The following ASTN1 variants were observed in gnomAD, a reference collection of about 807,000 sequenced individuals.
The protein encoded by ASTN1 is astrotactin 1.
Under a neutral mutation model 140.7 loss-of-function variants are expected in ASTN1, and 41 were observed. The ratio of observed to expected loss-of-function variants is 0.29; its 90% CI spans 0.23 to 0.38. The LOEUF is 0.38. ASTN1 is among the 10% of genes least tolerant of loss of function. The pLI is 1.00. For synonymous variants in ASTN1, 640 were observed against 652.2 expected, an observed-to-expected ratio of 0.98 and a Z score of 0.29; for missense variants, 1,479 against 1,678.8, an observed-to-expected ratio of 0.88 and a Z score of 2.08.
At chr1:176,915,972 C>A (rs1189301156) in intron 16 of ASTN1, among the ~76,000 whole-genome samples, 3 of 152,134 alleles carry the variant, frequency 2.0e-5, no homozygotes, top group African/African-American at 7.2e-5. Context: ...TTTTACAAAC[C>A]CGAAACTTGC....
chr1:177,164,262 G>A (rs1647567986), intron 1 of ASTN1, 132 bp downstream of exon 1: 7 of 1,015,008 alleles, frequency 6.9e-6, no homozygotes, highest in Admixed American at 2.9e-5. Flanking sequence ...TGGTCCGGGA[G>A]TGGGGCGGAT....
intron 15 of ASTN1, chr1:176,935,964 T>G: frequency 2.3e-6 from 1 of 426,878 alleles, no homozygotes; most frequent in Non-Finnish European, 4.4e-6. Context: ...AAATCTGCTT[T>G]TATGTATCCT....
chr1:177,154,902 T>G (rs1186788846), intron 1 of ASTN1, among the ~76,000 whole-genome samples: 1 of 152,154 alleles, frequency 6.6e-6, no homozygotes, highest in Non-Finnish European at 1.5e-5. Flanking sequence ...CACAAAAATC[T>G]GCATACTAAT....
chr1:177,039,168 A>G (rs1676861829), intron 2 of ASTN1, among the ~76,000 whole-genome samples: 1 of 152,234 alleles, frequency 6.6e-6, no homozygotes. Context: ...TTCAAAGCTT[A>G]CTTTTACCTT....
At chr1:176,943,741 A>T in intron 14 of ASTN1, 150 bp downstream of exon 14, 2 of 998,014 alleles carry the variant, frequency 2.0e-6, no homozygotes, top group Non-Finnish European at 1.4e-6. Context: ...TAATCCTACT[A>T]GCATTCAGTT....
intron 22 of ASTN1, among the ~76,000 whole-genome samples, chr1:176,865,737 GA>G (rs1469265466): frequency 1.3e-5 from 2 of 152,156 alleles, no homozygotes; most frequent in Non-Finnish European, 2.9e-5. Context: ...ATGCTGCTGA[GA>G]AAGACATACC....
At chr1:177,000,013 AT>A in intron 8 of ASTN1, among the ~76,000 whole-genome samples, 1 of 152,348 alleles carries the variant, frequency 6.6e-6, no homozygotes, top group South Asian at 2.1e-4. Context: ...TGTTAATTAA[AT>A]TGGCAAATTA....
chr1:177,121,158 A>G (rs544507048), intron 1 of ASTN1, among the ~76,000 whole-genome samples: 8 of 152,220 alleles, frequency 5.3e-5, no homozygotes, highest in Admixed American at 5.2e-4. Context: ...TTTGGGTTTC[A>G]ATAGACTAAG....
rs1012201217 is a variant in ASTN1 at position 176,957,618 on chromosome 1, C to T, written c.1887+60G>A. On this transcript the variant is annotated intron_variant, in intron 11 of 22. Transcript: ENST00000361833. ...TCCCTATGTATCTGTATTGTGTCTTCCCCCGTGCCTTTCCTCCCCATCCTC... is the reference window on the plus strand; with the variant it reads ...TCCCTATGTATCTGTATTGTGTCTTTCCCCGTGCCTTTCCTCCCCATCCTC... 8 of 1,589,950 alleles carry T rather than the reference C, an allele frequency of 5.0e-6. No homozygotes were observed. In the African/African-American group the frequency reaches 9.4e-5, roughly 19 times the overall value.
At position 176,936,297 on chromosome 1, in the gene ASTN1, G is replaced by A. The variant is rs753433604; in HGVS notation, c.2451C>T (p.His817=). ...AGATGGCCACTTGGTTGAGTTTGAT[G>A]TGGTACATCACAGACCGGACCTTCC... ...QHWKVRSVMY[H]IKLNQVAISQ... is the part of the protein sequence containing the mutation. Residue 817 remains histidine, a synonymous_variant, in exon 15 of 23, where the codon CAC becomes CAT. Transcript: ENST00000361833. The A allele has an allele frequency of 4.3e-6, 7 of 1,613,956 alleles. No individual in the cohort carries two copies. Among genetic ancestry groups the A allele is most frequent in the African/African-American group, 1.3e-5 (1 of 74,948 alleles).
chr1:176,936,463 T>A (rs1000336776), intron 14 of ASTN1, 93 bp from the exon 15 acceptor site: 3 of 925,140 alleles, frequency 3.2e-6, no homozygotes, highest in African/African-American at 1.7e-5. Flanking sequence ...CGAAGTGTTG[T>A]AATTGTGAGA....
At chr1:177,033,000 G>C in intron 2 of ASTN1, 151 bp from the exon 3 acceptor site, 1 of 1,044,918 alleles carries the variant, frequency 9.6e-7, no homozygotes, top group African/African-American at 1.6e-5. Context: ...TCATTCAGCA[G>C]CAAAGGGAAA....
intron 1 of ASTN1, among the ~76,000 whole-genome samples, chr1:177,065,228 G>A (rs1251411581): frequency 1.3e-5 from 2 of 152,080 alleles, no homozygotes; most frequent in Non-Finnish European, 2.9e-5. Context: ...TCACGCTGTG[G>A]GACTGAGACA....
chr1:177,032,888 G>A, intron 2 of ASTN1, 39 bp from the exon 3 acceptor site: 1 of 1,535,284 alleles, frequency 6.5e-7, no homozygotes, highest in East Asian at 2.3e-5. Context: ...GGGAAGATGG[G>A]TAGGCTCTTC....
rs1255836202 is a variant in ASTN1 at position 177,032,792 on chromosome 1, G to A, written c.529C>T (p.Arg177Cys). 1.9e-6 allele frequency: 3 copies of A among 1,612,498 alleles called. No homozygotes were observed. Among genetic ancestry groups the A allele is most frequent in the African/African-American group, 2.7e-5 (2 of 74,910 alleles). The change falls in exon 3 of 23, where the codon CGC becomes TGC. Residue 177 changes from arginine to cysteine, a missense_variant. Coordinates refer to ENST00000361833, the MANE Select transcript of ASTN1 (RefSeq NM_004319.3). The part of the protein sequence containing the change: ...ILCLVMILYT[R>C]RRWCKRRRVP... The stretch of plus-strand genomic sequence containing the variant: ...CGGCGGCGTTTGCACCAGCGCCGGC[G>A]AGTATACAGGATCATCACCAGGCAC...
rs1192971800 is a variant in ASTN1, at chr1:176,869,334, C to T, written c.3464-307G>A. ...ATTTGAGTAATTCACTTTGTGTCTG[C>T]CCCACCAGGCTTAAGTTTTCTATTC... On this transcript the variant is annotated intron_variant, in intron 21 of 22. Coordinates refer to ENST00000361833, the MANE Select transcript of ASTN1 (RefSeq NM_004319.3). Among the ~76,000 whole-genome samples the T allele has an allele frequency of 3.3e-5, 5 of 152,046 alleles. 1 individual carries two copies. The highest frequency in any genetic ancestry group is 3.3e-4 in the Admixed American group (5 of 15,264).
At chr1:177,051,913 T>G (rs561160479) in intron 2 of ASTN1, among the ~76,000 whole-genome samples, 31 of 152,186 alleles carry the variant, frequency 2.0e-4, no homozygotes, top group African/African-American at 7.0e-4. Context: ...GTGGTTTGAT[T>G]AAAAAATAAA....
At chr1:177,113,935 C>T (rs939021373) in intron 1 of ASTN1, among the ~76,000 whole-genome samples, 4 of 152,170 alleles carry the variant, frequency 2.6e-5, no homozygotes, top group African/African-American at 7.2e-5. Context: ...AATAGTAAAA[C>T]TGGCTCATAA....
At chr1:177,034,736 T>A (rs868720426) in intron 2 of ASTN1, among the ~76,000 whole-genome samples, 1 of 152,180 alleles carries the variant, frequency 6.6e-6, no homozygotes, top group South Asian at 2.1e-4. Flanking sequence ...AGTGCTATCT[T>A]TTCCTTCACC....
Sources: gnomAD v4.1 joint callset for allele counts (sites outside exome capture counted in the v4.1 genomes callset) on GRCh38, gnomAD v4.1.1 for gene constraint, MANE v1.5 for transcripts, NCBI Gene and HGNC (gene_info 2026-07-23, HGNC 2026-07-21) for gene names.